Variants in ROBO2 observed in about 807,000 individuals in gnomAD.
ROBO2 encodes roundabout homolog 2.
Under a neutral mutation model 160.8 loss-of-function variants are expected in ROBO2, and 53 were observed. That is an observed-to-expected ratio of 0.33 (90% confidence interval 0.26 to 0.41). ROBO2 has a LOEUF of 0.41. ROBO2 is among the 10% of genes least tolerant of loss of function. ROBO2 has a pLI of 1.00. For missense variants in ROBO2, 1,577 were observed against 1,722.4 expected (o/e 0.92, Z 1.49); for synonymous variants, 664 against 611.7 (o/e 1.09, Z -1.26).
At chr3:77,073,273 T>C (rs925281374) in intron 1 of ROBO2, among the ~76,000 whole-genome samples, 1 of 152,188 alleles carries the variant, frequency 6.6e-6, no homozygotes, top group Non-Finnish European at 1.5e-5. Flanking sequence ...ACATTGGCCA[T>C]TATTTTTCTA....
intron 21 of ROBO2, among the ~76,000 whole-genome samples, chr3:77,610,828 T>TCTTC (rs1445903956): frequency 1.0e-4 from 15 of 150,196 alleles, no homozygotes; most frequent in African/African-American, 3.7e-4. Flanking sequence ...GTCCCATTAG[T>TCTTC]CTTCCTTTGG....
intron 2 of ROBO2, among the ~76,000 whole-genome samples, chr3:76,908,744 G>T (rs1577397963): frequency 6.6e-6 from 1 of 152,144 alleles, no homozygotes; most frequent in African/African-American, 2.4e-5. Context: ...ACTTAGGAGA[G>T]TTGGTTATTC....
chr3:76,596,863 T>A (rs923166496), intron 2 of ROBO2, among the ~76,000 whole-genome samples: 6 of 152,100 alleles, frequency 3.9e-5, no homozygotes, highest in African/African-American at 1.4e-4. Flanking sequence ...TCTCTGTTAA[T>A]GGCTTGATAG....
At chr3:76,510,003 A>G (rs1442561818) in intron 2 of ROBO2, among the ~76,000 whole-genome samples, 3 of 152,070 alleles carry the variant, frequency 2.0e-5, no homozygotes, top group African/African-American at 4.8e-5. Context: ...TTCAGGTGCA[A>G]TACGTCTTTT....
At chr3:77,563,450 G>A in intron 11 of ROBO2, 121 bp downstream of exon 12, 3 of 974,058 alleles carry the variant, frequency 3.1e-6, no homozygotes, top group Non-Finnish European at 4.8e-6. Flanking sequence ...TTTAAGAATT[G>A]ATCTCTTCTC....
chr3:75,926,323 G>T (rs1030984265), intron 1 of ROBO2, among the ~76,000 whole-genome samples: 1 of 152,144 alleles, frequency 6.6e-6, no homozygotes, highest in African/African-American at 2.4e-5. Context: ...GGGGTTGGTT[G>T]TATGGTTTAT....
chr3:76,325,077 C>A (rs1414514518), intron 2 of ROBO2, among the ~76,000 whole-genome samples: 1 of 152,242 alleles, frequency 6.6e-6, no homozygotes, highest in East Asian at 1.9e-4. Context: ...TGCACTCCAG[C>A]CTGCGTGACA....
chr3:76,800,345 A>G (rs779629026), intron 2 of ROBO2, among the ~76,000 whole-genome samples: 5 of 152,216 alleles, frequency 3.3e-5, no homozygotes, highest in Non-Finnish European at 5.9e-5. Flanking sequence ...ACAAGCTCAG[A>G]CAACAAAGGC....
At chr3:77,020,107 T>C (rs1292950434) in intron 2 of ROBO2, among the ~76,000 whole-genome samples, 1 of 152,184 alleles carries the variant, frequency 6.6e-6, no homozygotes, top group Admixed American at 6.5e-5. Context: ...AAAGGGGACA[T>C]GGGTTTTTAA....
intron 2 of ROBO2, among the ~76,000 whole-genome samples, chr3:76,556,333 C>T (rs1439571385): frequency 6.6e-6 from 1 of 151,972 alleles, no homozygotes; most frequent in Non-Finnish European, 1.5e-5. Context: ...GCTCTGAAGC[C>T]TCAGAAGGGA....
At chr3:76,726,044 G>A (rs777772027) in intron 2 of ROBO2, among the ~76,000 whole-genome samples, 1 of 152,144 alleles carries the variant, frequency 6.6e-6, no homozygotes, top group Non-Finnish European at 1.5e-5. Flanking sequence ...CATCCTTAGA[G>A]TACCCAAGAA....
chr3:77,160,793 C>T (rs574036519), intron 2 of ROBO2, among the ~76,000 whole-genome samples: 42 of 152,052 alleles, frequency 2.8e-4, no homozygotes, highest in Non-Finnish European at 4.4e-4. Context: ...GTAATTACCC[C>T]GGAGTTACAG....
At chr3:77,212,314 A>G (rs377370272) in intron 2 of ROBO2, among the ~76,000 whole-genome samples, 6 of 151,996 alleles carry the variant, frequency 3.9e-5, no homozygotes, top group Admixed American at 6.6e-5. Flanking sequence ...TGGATTCCTA[A>G]GTATTTTATT....
At chr3:77,550,192 A>G (rs2092863835) in intron 7 of ROBO2, among the ~76,000 whole-genome samples, 1 of 152,070 alleles carries the variant, frequency 6.6e-6, no homozygotes. Flanking sequence ...GAAACATTCT[A>G]CATTTTCTTT....
rs114946873 is a variant in ROBO2 at position 77,368,306 on chromosome 3, A to T, written c.389-109108A>T. ...ACCGAAGCTATGCATCCAAGAGCAC[A>T]TAAGAAATTTATTATTCATGAATAT... On this transcript the variant is annotated intron_variant, in intron 2 of 25. Coordinates refer to ENST00000461745, the Ensembl canonical transcript of ROBO2. 9.2e-3 allele frequency among the ~76,000 whole-genome samples: 1,398 copies of T among 152,290 alleles called. 5 individuals carry two copies. Among genetic ancestry groups the T allele is most frequent in the Non-Finnish European group, 0.015 (1,016 of 68,028 alleles).
chr3:76,034,477 A>G (rs901456008), intron 2 of ROBO2, among the ~76,000 whole-genome samples: 2 of 152,224 alleles, frequency 1.3e-5, no homozygotes, highest in Non-Finnish European at 2.9e-5. Flanking sequence ...ATCCTTGCAG[A>G]TAAGCACACT....
At chr3:76,670,063 CTACA>C (rs1182740143) in intron 2 of ROBO2, among the ~76,000 whole-genome samples, 1 of 152,076 alleles carries the variant, frequency 6.6e-6, no homozygotes, top group Admixed American at 6.6e-5. Flanking sequence ...AATATTGAAG[CTACA>C]TGGTTTATGA....
intron 2 of ROBO2, among the ~76,000 whole-genome samples, chr3:77,471,143 G>A (rs959385730): frequency 3.9e-5 from 6 of 152,160 alleles, no homozygotes; most frequent in Non-Finnish European, 5.9e-5. Flanking sequence ...GTATCTTTCA[G>A]AAGTCCATTA....
intron 5 of ROBO2, among the ~76,000 whole-genome samples, chr3:77,496,601 T>C (rs1179954402): frequency 1.3e-5 from 2 of 152,152 alleles, no homozygotes; most frequent in Admixed American, 6.5e-5. Flanking sequence ...GGCTTAACAT[T>C]TAATGAAATT....
Sources: gnomAD v4.1 joint callset for allele counts (sites outside exome capture counted in the v4.1 genomes callset) on GRCh38, gnomAD v4.1.1 for gene constraint, MANE v1.5 for transcripts, NCBI Gene and HGNC (gene_info 2026-07-23, HGNC 2026-07-21) for gene names.